Variants in RIMS2 observed in about 807,000 individuals in gnomAD.
The protein encoded by RIMS2 is regulating synaptic membrane exocytosis 2.
RIMS2 carries 59 observed loss-of-function variants against 174.4 expected under a neutral mutation model. The observed-to-expected ratio is 0.34, with a 90% CI of 0.27 to 0.42. The LOEUF is 0.42. Among genes scored for constraint, RIMS2 ranks in the 10% least tolerant of loss-of-function variants. The probability of loss-of-function intolerance (pLI) is 1.00; values close to 1 mark genes in which losing one functional copy is unlikely to be tolerated. For synonymous variants in RIMS2, 606 were observed against 572.5 expected, an observed-to-expected ratio of 1.06 and a Z score of -0.84; for missense variants, 1,620 against 1,666.3, an observed-to-expected ratio of 0.97 and a Z score of 0.48.
intron 2 of RIMS2, among the ~76,000 whole-genome samples, chr8:103,745,931 G>C (rs1440097290): frequency 6.6e-6 from 1 of 152,008 alleles, no homozygotes; most frequent in Non-Finnish European, 1.5e-5. Flanking sequence ...AATGTCCTTT[G>C]ATACTTAAAA....
intron 1 of RIMS2, among the ~76,000 whole-genome samples, chr8:103,550,643 T>G (rs1187305887): frequency 1.3e-5 from 2 of 151,228 alleles, no homozygotes; most frequent in African/African-American, 2.4e-5. Context: ...CAAAAAACCC[T>G]TCAAAAAAAT....
intron 3 of RIMS2, among the ~76,000 whole-genome samples, chr8:103,849,605 G>A (rs979201980): frequency 2.6e-5 from 4 of 151,956 alleles, no homozygotes; most frequent in Non-Finnish European, 4.4e-5. Flanking sequence ...TAGGTCATTA[G>A]CTCTGAACCA....
intron 2 of RIMS2, among the ~76,000 whole-genome samples, chr8:103,736,063 A>G (rs1252117510): frequency 6.6e-6 from 1 of 152,150 alleles, no homozygotes; most frequent in Non-Finnish European, 1.5e-5. Flanking sequence ...TTATAACTCC[A>G]TCTTCCTTTG....
chr8:103,727,268 G>A lies in RIMS2; in HGVS notation c.387+29972G>A, dbSNP rs191992753. Among the ~76,000 whole-genome samples, 11 of 151,908 alleles carry A rather than the reference G, an allele frequency of 7.2e-5. No homozygotes were observed. In the East Asian group the frequency reaches 7.7e-4, roughly 11 times the overall value. On this transcript the variant is annotated intron_variant, in intron 2 of 23. Coordinates refer to ENST00000504942, the Ensembl canonical transcript of RIMS2. ...CCTTCTTCTTTCTCATTTATTTCTCGTTTAATTGCATTAGCTAGACTCTTC... is the reference window on the plus strand; with the variant it reads ...CCTTCTTCTTTCTCATTTATTTCTCATTTAATTGCATTAGCTAGACTCTTC...
chr8:104,198,068 T>A (rs1047482875), intron 19 of RIMS2, among the ~76,000 whole-genome samples: 2 of 152,214 alleles, frequency 1.3e-5, no homozygotes, highest in African/African-American at 4.8e-5. Context: ...AGCCTTTTTA[T>A]GGTTCAAAAT....
chr8:103,732,477 G>A (rs773548755), intron 2 of RIMS2, among the ~76,000 whole-genome samples: 1 of 152,112 alleles, frequency 6.6e-6, no homozygotes, highest in Non-Finnish European at 1.5e-5. Context: ...AAGGCTTAAG[G>A]GCTCTACAAT....
intron 2 of RIMS2, among the ~76,000 whole-genome samples, chr8:103,755,340 T>C (rs568372542): frequency 6.6e-6 from 1 of 152,328 alleles, no homozygotes; most frequent in South Asian, 2.1e-4. Flanking sequence ...AACCTGCCTT[T>C]TCTCTCTGGC....
At chr8:103,860,402 G>A (rs113270618) in intron 3 of RIMS2, among the ~76,000 whole-genome samples, 1,837 of 152,208 alleles carry the variant, frequency 0.012, 50 homozygotes, top group African/African-American at 0.042. Flanking sequence ...AGAATTAAAT[G>A]AAATAGTGCA....
intron 19 of RIMS2, among the ~76,000 whole-genome samples, chr8:104,161,877 G>T (rs1253132633): frequency 1.3e-5 from 2 of 152,154 alleles, no homozygotes; most frequent in Non-Finnish European, 2.9e-5. Flanking sequence ...CCATTTTCCT[G>T]GACATATGAC....
chr8:103,986,345 A>G (rs1238230072), intron 16 of RIMS2, among the ~76,000 whole-genome samples: 6 of 152,144 alleles, frequency 3.9e-5, no homozygotes, highest in Admixed American at 3.9e-4. Context: ...AAATCAGTGA[A>G]ACTGAAACAA....
chr8:103,541,509 AAAAG>A (rs1200085662), intron 1 of RIMS2, among the ~76,000 whole-genome samples: 2 of 152,242 alleles, frequency 1.3e-5, no homozygotes, highest in Non-Finnish European at 2.9e-5. Flanking sequence ...TGAAAGAAAA[AAAAG>A]AAATGCTAAG....
intron 14 of RIMS2, among the ~76,000 whole-genome samples, chr8:103,957,520 C>T (rs1383101871): frequency 6.6e-6 from 1 of 152,130 alleles, no homozygotes; most frequent in Admixed American, 6.5e-5. Context: ...GAAAATGAAA[C>T]ACCGCATGTT....
chr8:104,249,784 A>G (rs1329269670), intron 22 of RIMS2, among the ~76,000 whole-genome samples, 196 bp downstream of exon 28: 1 of 152,210 alleles, frequency 6.6e-6, no homozygotes, highest in Non-Finnish European at 1.5e-5. Context: ...CGGTGGGGAT[A>G]ATGTAAGTTG....
At chr8:103,706,934 T>C (rs1321795932) in intron 2 of RIMS2, among the ~76,000 whole-genome samples, 3 of 152,190 alleles carry the variant, frequency 2.0e-5, no homozygotes, top group Admixed American at 2.0e-4. Flanking sequence ...ATTTTTCCCT[T>C]GTAGCCTGTT....
intron 3 of RIMS2, among the ~76,000 whole-genome samples, chr8:103,826,900 T>C (rs2154476955): frequency 6.6e-6 from 1 of 152,014 alleles, no homozygotes; most frequent in South Asian, 2.1e-4. Context: ...AACTCCTGGC[T>C]TCAGGCTATC....
At chr8:103,876,075 ATTAT>A (rs1265962981) in intron 3 of RIMS2, among the ~76,000 whole-genome samples, 2 of 151,704 alleles carry the variant, frequency 1.3e-5, no homozygotes, top group East Asian at 3.9e-4. Context: ...TGCTCTGTTG[ATTAT>A]TTATTTTGCT....
At chr8:104,019,196 T>TATTA (rs1351412134) in intron 19 of RIMS2, among the ~76,000 whole-genome samples, 1 of 152,154 alleles carries the variant, frequency 6.6e-6, no homozygotes, top group Non-Finnish European at 1.5e-5. Context: ...AGACTGTGTC[T>TATTA]CAAAAAAGTT....
intron 14 of RIMS2, among the ~76,000 whole-genome samples, chr8:103,949,124 C>CAA (rs533642917): frequency 0.035 from 1,528 of 43,962 alleles, 144 homozygotes; most frequent in African/African-American, 0.097. Flanking sequence ...GAGACTCTGT[C>CAA]AAAAAAAAAA....
chr8:103,582,842 CACCTGGG>C (rs1428152313), intron 1 of RIMS2, among the ~76,000 whole-genome samples: 1 of 152,182 alleles, frequency 6.6e-6, no homozygotes, highest in African/African-American at 2.4e-5. Flanking sequence ...CCTCTGGACC[CACCTGGG>C]GCCTGGGGGA....
Sources: gnomAD v4.1 joint callset for allele counts (sites outside exome capture counted in the v4.1 genomes callset) on GRCh38, gnomAD v4.1.1 for gene constraint, MANE v1.5 for transcripts, NCBI Gene and HGNC (gene_info 2026-07-23, HGNC 2026-07-21) for gene names.